MBLAC2: variants seen among roughly 807,000 people sequenced by gnomAD.
MBLAC2 encodes the protein acyl-coenzyme A thioesterase MBLAC2.
A neutral mutation model predicts 23.3 loss-of-function variants in MBLAC2; 24 were observed. The ratio of observed to expected loss-of-function variants is 1.03; its 90% CI spans 0.75 to 1.45. The LOEUF (loss-of-function observed/expected upper bound fraction) is 1.45, where lower values mean the gene tolerates loss of function less well. Ranked by LOEUF, MBLAC2 falls within the 40% of genes most tolerant of loss-of-function variation. The pLI is 0.00. For missense variants in MBLAC2, 358 were observed against 370.0 expected, an observed-to-expected ratio of 0.97 and a Z score of 0.27; for synonymous variants, 162 against 150.9, an observed-to-expected ratio of 1.07 and a Z score of -0.54.
In MBLAC2 at chr5:90,465,891, C is replaced by T. The variant is rs143915035; in HGVS notation, c.455-4339G>A. ...TCTTAATTTAAATTTGATAGCCATA[C>T]ATGGCTAGTGGCTACTGTAATGGCC... On this transcript the variant is annotated intron_variant, in intron 1 of 1. Transcript: ENST00000316610. Among the ~76,000 whole-genome samples the T allele has an allele frequency of 2.0e-5, 3 of 152,154 alleles. No homozygotes were observed. In the East Asian group the frequency reaches 5.8e-4, roughly 29 times the overall value.
intron 1 of MBLAC2, chr5:90,472,554 A>C (rs1286845438): frequency 2.0e-5 from 3 of 152,164 alleles, no homozygotes; most frequent in African/African-American, 7.2e-5. Context: ...TTTTTAAAAT[A>C]TCTCAAATGA....
At chr5:90,468,354 G>A (rs569136858) in intron 1 of MBLAC2, among the ~76,000 whole-genome samples, 6 of 152,070 alleles carry the variant, frequency 3.9e-5, no homozygotes, top group East Asian at 1.9e-4. Flanking sequence ...GACATTTAAC[G>A]TAGCCCCGGA....
At chr5:90,468,546 G>GT (rs1394714243) in intron 1 of MBLAC2, among the ~76,000 whole-genome samples, 1 of 151,808 alleles carries the variant, frequency 6.6e-6, no homozygotes, top group East Asian at 1.9e-4. Context: ...TCCAGATGTT[G>GT]TAACTGTTTT....
Position 90,474,035 on chromosome 5 carries a change from G to A in MBLAC2, c.258C>T (p.Phe86=). 1.3e-6 allele frequency: 2 copies of A among 1,592,176 alleles called. No individual in the cohort carries two copies. The change falls in exon 1 of 2, where the codon TTC becomes TTT. Residue 86 remains phenylalanine, a synonymous_variant. Transcript: ENST00000316610. ...PLLAVATHVH[F]DHSGGLYQFD... is the part of the protein sequence containing the mutation. ...ACTGGTAGAGGCCGCCGGAGTGGTC[G>A]AAGTGCACGTGGGTGGCCACGGCAA...
At chr5:90,463,579 T>C (rs974100049) in intron 1 of MBLAC2, among the ~76,000 whole-genome samples, 2 of 152,210 alleles carry the variant, frequency 1.3e-5, no homozygotes, top group South Asian at 2.1e-4. Flanking sequence ...TCAAAATGTA[T>C]AGAATACAGC....
Position 90,474,000 on chromosome 5 carries a change from A to C in MBLAC2, c.293T>G (p.Val98Gly). ...CTCGGCCTCGGCGTGGTGCACTGCCACGCGGTCGAACTGGTAGAGGCCGCC... is the reference window on the plus strand; with the variant it reads ...CTCGGCCTCGGCGTGGTGCACTGCCCCGCGGTCGAACTGGTAGAGGCCGCC... ...HSGGLYQFDR[V>G]AVHHAEAEAL... The change falls in exon 1 of 2, where the codon GTG becomes GGG. Residue 98 changes from valine to glycine, a missense_variant. Val to Gly is a moderately radical substitution (Grantham distance 109, BLOSUM62 -3). Coordinates refer to ENST00000316610, the MANE Select transcript of MBLAC2 (RefSeq NM_203406.2). 1.3e-6 allele frequency: 2 copies of C among 1,597,768 alleles called. No homozygotes were observed. Among genetic ancestry groups the C allele is most frequent in the Non-Finnish European group, 8.5e-7 (1 of 1,173,524 alleles).
At chr5:90,466,857 G>C (rs971936813) in intron 1 of MBLAC2, among the ~76,000 whole-genome samples, 6 of 152,210 alleles carry the variant, frequency 3.9e-5, no homozygotes, top group African/African-American at 2.4e-5. Flanking sequence ...AAAGATGTGA[G>C]CTGGGCGCAC....
intron 1 of MBLAC2, among the ~76,000 whole-genome samples, chr5:90,467,154 T>C (rs1309620296): frequency 1.3e-5 from 2 of 152,046 alleles, no homozygotes; most frequent in Admixed American, 1.3e-4. Flanking sequence ...TAAAAAAATG[T>C]AGTTGTTGGG....
At chr5:90,472,139 A>G (rs1179784526) in intron 1 of MBLAC2, among the ~76,000 whole-genome samples, 5 of 152,232 alleles carry the variant, frequency 3.3e-5, no homozygotes, top group Non-Finnish European at 7.3e-5. Flanking sequence ...AACCCCTATC[A>G]TTCTCTCACC....
In MBLAC2 at chr5:90,460,464, A is replaced by G. The variant is rs1173813312; in HGVS notation, c.*703T>C. ...GTTAGATAACAGACATTTGCATTTCACTTTCATAATTGAAAATATTACCTA... is the reference window on the plus strand; with the variant it reads ...GTTAGATAACAGACATTTGCATTTCGCTTTCATAATTGAAAATATTACCTA... On this transcript the variant is annotated 3_prime_UTR_variant, in exon 2 of 2. Coordinates refer to ENST00000316610, the MANE Select transcript of MBLAC2 (RefSeq NM_203406.2). The G allele has an allele frequency of 6.6e-6, 1 of 152,606 alleles. No homozygotes were observed. Among genetic ancestry groups the G allele is most frequent in the Admixed American group, 6.5e-5 (1 of 15,280 alleles). The allele number at this position is 152,606 out of a possible 1,614,324, so 9.5% of individuals were successfully genotyped here.
chr5:90,470,271 G>GT (rs1750522947), intron 1 of MBLAC2, among the ~76,000 whole-genome samples: 1 of 151,866 alleles, frequency 6.6e-6, no homozygotes. Flanking sequence ...GATAAAAGAA[G>GT]TAAGTTCCAG....
At position 90,474,389 on chromosome 5, in the gene MBLAC2, GC is replaced by G; in HGVS notation, c.-98del. The G allele has an allele frequency of 8.6e-7, 1 of 1,158,396 alleles. No individual in the cohort carries two copies. The highest frequency in any genetic ancestry group is 1.3e-6 in the Non-Finnish European group (1 of 796,694). The allele number at this position is 1,158,396 out of a possible 1,614,324, so 71.8% of individuals were successfully genotyped here. On this transcript the variant is annotated 5_prime_UTR_variant, in exon 1 of 2. Transcript: ENST00000316610. ...GCACTGCGGCTGTGTGAAGCGGTCT[GC>G]CTGCAGCCAGGGAGGAGGCGTAGAG...
chr5:90,461,071 TA>T lies in MBLAC2; in HGVS notation c.*95del. 1.0e-6 allele frequency: 1 copy of T among 997,884 alleles called. No individual in the cohort carries two copies. Among genetic ancestry groups the T allele is most frequent in the Non-Finnish European group, 1.4e-6 (1 of 701,918 alleles). 61.8% of individuals were successfully genotyped at this position (997,884 alleles called of 1,614,324 possible). On this transcript the variant is annotated 3_prime_UTR_variant, in exon 2 of 2. Coordinates refer to ENST00000316610, the MANE Select transcript of MBLAC2 (RefSeq NM_203406.2). ...CTTTCTCTGATATATAATAGTGGTA[TA>T]AAAGCACTTCATGAAATGCTCACTA...
intron 1 of MBLAC2, among the ~76,000 whole-genome samples, chr5:90,466,838 A>C (rs944206141): frequency 2.0e-5 from 3 of 152,316 alleles, no homozygotes; most frequent in South Asian, 2.1e-4. Flanking sequence ...GACAAAACCA[A>C]GTGTTGAAAA....
rs1452407390 is a variant in MBLAC2 at position 90,474,653 on chromosome 5, G to T, written c.-361C>A. 2 of 301,678 alleles carry T rather than the reference G, an allele frequency of 6.6e-6. No homozygotes were observed. The highest frequency in any genetic ancestry group is 1.2e-4 in the East Asian group (1 of 8,344). 18.7% of individuals were successfully genotyped at this position (301,678 alleles called of 1,614,324 possible). ...AGGTGGCGACCGTTTCGCCACCCCG[G>T]GCGTGTGACAGCAGAGGCCCGCAGT... On this transcript the variant is annotated 5_prime_UTR_variant, in exon 1 of 2. Coordinates refer to ENST00000316610, the MANE Select transcript of MBLAC2 (RefSeq NM_203406.2).
At chr5:90,473,749 G>T in intron 1 of MBLAC2, 90 bp downstream of exon 1, 1 of 1,276,738 alleles carries the variant, frequency 7.8e-7, no homozygotes, top group Non-Finnish European at 1.1e-6. Flanking sequence ...TCCCCTTTAT[G>T]GCCACGCAAG....
intron 1 of MBLAC2, among the ~76,000 whole-genome samples, chr5:90,465,610 ATC>A (rs1750434256): frequency 6.6e-6 from 1 of 152,220 alleles, no homozygotes; most frequent in African/African-American, 2.4e-5. Flanking sequence ...AAGAGATGGA[ATC>A]TCTGTCACTC....
At chr5:90,466,747 C>T (rs1028400051) in intron 1 of MBLAC2, among the ~76,000 whole-genome samples, 1 of 152,172 alleles carries the variant, frequency 6.6e-6, no homozygotes, top group Non-Finnish European at 1.5e-5. Flanking sequence ...TGCTCAACAT[C>T]ATTAGTTTTT....
At chr5:90,465,491 G>A (rs1254895777) in intron 1 of MBLAC2, among the ~76,000 whole-genome samples, 2 of 152,202 alleles carry the variant, frequency 1.3e-5, no homozygotes, top group South Asian at 2.1e-4. Flanking sequence ...TGATTGAAAT[G>A]TTGGTTCTCA....
Sources: allele counts gnomAD v4.1 joint callset (sites outside exome capture counted in the v4.1 genomes callset), GRCh38; gene constraint gnomAD v4.1.1; transcripts MANE v1.5; gene names NCBI Gene and HGNC (gene_info 2026-07-23, HGNC 2026-07-21).